The following RBFOX1 variants were observed in gnomAD, a reference collection of about 807,000 sequenced individuals.
RBFOX1 encodes the protein RNA binding fox-1 homolog 1.
Under a neutral mutation model 57.7 loss-of-function variants are expected in RBFOX1, and 8 were observed. The observed-to-expected ratio is 0.14, with a 90% confidence interval of 0.08 to 0.25. The LOEUF is 0.25. Among genes scored for constraint, RBFOX1 ranks in the 10% least tolerant of loss-of-function variants. The pLI, the probability that RBFOX1 is intolerant of heterozygous loss-of-function variation, is 1.00. For synonymous variants in RBFOX1, 326 were observed against 222.4 expected, an observed-to-expected ratio of 1.47 and a Z score of -4.15; for missense variants, 611 against 548.5, an observed-to-expected ratio of 1.11 and a Z score of -1.14.
chr16:6,811,855 C>G (rs919185066), intron 3 of RBFOX1, among the ~76,000 whole-genome samples: 43 of 152,166 alleles, frequency 2.8e-4, no homozygotes, highest in African/African-American at 9.9e-4. Flanking sequence ...TGCCATTGCA[C>G]TCGAGCCTGG....
chr16:5,919,578 A>C (rs978176843), intron 4 of RBFOX1, among the ~76,000 whole-genome samples: 8 of 152,166 alleles, frequency 5.3e-5, no homozygotes, highest in Non-Finnish European at 1.2e-4. Flanking sequence ...TCCCGACCCG[A>C]GGTGATCCGC....
chr16:5,683,618 T>A (rs2050412556), intron 3 of RBFOX1, among the ~76,000 whole-genome samples: 1 of 152,040 alleles, frequency 6.6e-6, no homozygotes, highest in South Asian at 2.1e-4. Context: ...CCCTTGAACA[T>A]CAGACTCCAA....
Position 6,506,624 on chromosome 16 carries a change from ATTTTTTTTTTTTTTTTTTTTTTTTT to A in RBFOX1, c.-63-147962_-63-147938del, listed in dbSNP as rs71145238. 9.3e-3 allele frequency among the ~76,000 whole-genome samples: 919 copies of A among 98,470 alleles called. 9 individuals carry two copies. The highest frequency in any genetic ancestry group is 0.038 in the African/African-American group (877 of 22,984). The allele number at this position is 98,470 out of a possible 152,430, so 64.6% of individuals were successfully genotyped here. On this transcript the variant is annotated intron_variant, in intron 2 of 15. Coordinates refer to ENST00000550418, the MANE Select transcript of RBFOX1 (RefSeq NM_018723.4). ...ACGGTAATAACAATCACAGTAGCTA[ATTTTTTTTTTTTTTTTTTTTTTTTT>A]TTTTTTTTTTTTTTTTGAGATGGAG... is the stretch of plus-strand genomic sequence containing the variant.
At chr16:6,727,891 C>A (rs1192220691) in intron 3 of RBFOX1, among the ~76,000 whole-genome samples, 1 of 152,124 alleles carries the variant, frequency 6.6e-6, no homozygotes, top group South Asian at 2.1e-4. Flanking sequence ...TTACCTGATT[C>A]CATTTTGAAA....
chr16:6,573,683 A>T (rs552266908), intron 2 of RBFOX1: 1 of 152,200 alleles, frequency 6.6e-6, no homozygotes, highest in African/African-American at 2.4e-5. Context: ...GCTGTGTGAC[A>T]TGCTCAGGGG....
At chr16:6,959,221 A>C (rs560628150) in intron 3 of RBFOX1, among the ~76,000 whole-genome samples, 1 of 152,300 alleles carries the variant, frequency 6.6e-6, no homozygotes, top group South Asian at 2.1e-4. Flanking sequence ...CTTAAAAAGT[A>C]CCTCTCTTTG....
chr16:6,874,247 C>G (rs2061434334), intron 3 of RBFOX1, among the ~76,000 whole-genome samples: 1 of 152,108 alleles, frequency 6.6e-6, no homozygotes, highest in Admixed American at 6.6e-5. Flanking sequence ...AAGTGGTTCA[C>G]ACTTGTAATC....
chr16:5,700,179 A>G (rs1229610339), intron 3 of RBFOX1, among the ~76,000 whole-genome samples: 1 of 152,190 alleles, frequency 6.6e-6, no homozygotes, highest in Non-Finnish European at 1.5e-5. Flanking sequence ...ATTTTTTGAA[A>G]TAGTTATTTG....
At chr16:5,598,395 C>T (rs17415918) in intron 2 of RBFOX1, among the ~76,000 whole-genome samples, 3 of 151,940 alleles carry the variant, frequency 2.0e-5, no homozygotes, top group East Asian at 1.9e-4. Context: ...GGAGTGTCAG[C>T]GGAGTCAAAG....
chr16:7,200,711 T>C (rs553358957), intron 4 of RBFOX1, among the ~76,000 whole-genome samples: 1 of 152,284 alleles, frequency 6.6e-6, no homozygotes, highest in East Asian at 1.9e-4. Flanking sequence ...GCTGTGTTCC[T>C]CGGCTTAGCA....
At chr16:5,665,131 T>TTG (rs1555497005) in intron 3 of RBFOX1, among the ~76,000 whole-genome samples, 12 of 98,294 alleles carry the variant, frequency 1.2e-4, no homozygotes, top group Admixed American at 6.3e-4. Context: ...TATTTTTACA[T>TTG]GGGGGGGGGC....
chr16:6,734,470 G>C (rs1289653254), intron 3 of RBFOX1, among the ~76,000 whole-genome samples: 1 of 152,152 alleles, frequency 6.6e-6, no homozygotes, highest in African/African-American at 2.4e-5. Flanking sequence ...TCATGGTATT[G>C]CCTCATTACA....
chr16:5,734,296 C>T (rs894281150), intron 3 of RBFOX1, among the ~76,000 whole-genome samples: 7 of 152,096 alleles, frequency 4.6e-5, no homozygotes, highest in African/African-American at 1.7e-4. Context: ...CCCACGTCTA[C>T]ACAAAATAGG....
chr16:7,442,638 A>G (rs1242648116), intron 4 of RBFOX1, among the ~76,000 whole-genome samples: 17 of 152,046 alleles, frequency 1.1e-4, no homozygotes, highest in Admixed American at 8.5e-4. Context: ...TTTTGATAGG[A>G]TTTGCACTGG....
At chr16:6,665,839 T>C (rs368218511) in intron 3 of RBFOX1, among the ~76,000 whole-genome samples, 6 of 152,228 alleles carry the variant, frequency 3.9e-5, no homozygotes, top group African/African-American at 1.4e-4. Context: ...TTTATCCCCA[T>C]GTTACAGATG....
chr16:6,706,517 G>A (rs574662824), intron 3 of RBFOX1, among the ~76,000 whole-genome samples: 4 of 152,152 alleles, frequency 2.6e-5, no homozygotes, highest in East Asian at 1.9e-4. Context: ...CTTTGCAGCC[G>A]TGTTAATTGT....
chr16:6,263,018 G>A (rs1422617958), intron 1 of RBFOX1, among the ~76,000 whole-genome samples: 25 of 152,170 alleles, frequency 1.6e-4, no homozygotes, highest in Non-Finnish European at 8.8e-5. Flanking sequence ...CCTGAAGGAT[G>A]AGATTAAAGT....
At chr16:6,371,120 A>T (rs531833099) in intron 2 of RBFOX1, among the ~76,000 whole-genome samples, 4 of 152,234 alleles carry the variant, frequency 2.6e-5, no homozygotes, top group African/African-American at 9.6e-5. Context: ...CCTTTGGATC[A>T]TATGATGTCT....
At chr16:6,797,311 C>T (rs184775012) in intron 3 of RBFOX1, among the ~76,000 whole-genome samples, 84 of 152,166 alleles carry the variant, frequency 5.5e-4, no homozygotes, top group Non-Finnish European at 8.7e-4. Flanking sequence ...ACAAAGTTAC[C>T]GTTTCAGAGC....
Sources: gnomAD v4.1 joint callset for allele counts (sites outside exome capture counted in the v4.1 genomes callset) on GRCh38, gnomAD v4.1.1 for gene constraint, MANE v1.5 for transcripts, NCBI Gene and HGNC (gene_info 2026-07-23, HGNC 2026-07-21) for gene names.